The following PRR16 variants were observed in gnomAD, a reference collection of about 807,000 sequenced individuals.
The protein encoded by PRR16 is protein Largen.
PRR16 carries 6 observed loss-of-function variants against 18.2 expected under a neutral mutation model. That is an observed-to-expected ratio of 0.33 (90% CI 0.18 to 0.65). PRR16 has a LOEUF of 0.65. Among genes scored for constraint, PRR16 ranks in the 30% least tolerant of loss-of-function variants. The pLI, the probability that PRR16 is intolerant of heterozygous loss-of-function variation, is 0.74. For missense variants in PRR16, 412 were observed against 376.6 expected (o/e 1.09, Z -0.78); for synonymous variants, 151 against 147.8 (o/e 1.02, Z -0.16).
chr5:120,710,394 C>G, the PRR16 span, among the ~76,000 whole-genome samples: 32 of 152,002 alleles, frequency 2.1e-4, no homozygotes, highest in African/African-American at 7.2e-5. Flanking sequence ...GTACTCTTCC[C>G]AAAGTATCCA....
At chr5:120,582,910 A>G (rs189031298) in intron 1 of PRR16, among the ~76,000 whole-genome samples, 6 of 152,354 alleles carry the variant, frequency 3.9e-5, no homozygotes, top group Admixed American at 1.3e-4. Context: ...TTGAAACAGC[A>G]ATAATCACCT....
At chr5:120,531,531 T>C (rs559355763) in intron 1 of PRR16, 1 of 152,280 alleles carries the variant, frequency 6.6e-6, no homozygotes, top group East Asian at 1.9e-4. Flanking sequence ...ACCAATCAAC[T>C]GATGCATGCA....
At chr5:120,714,090 TTTC>T in the PRR16 span, among the ~76,000 whole-genome samples, 1 of 152,090 alleles carries the variant, frequency 6.6e-6, no homozygotes, top group Non-Finnish European at 1.5e-5. Context: ...AGGAAAACAA[TTTC>T]TTCTTTGTGC....
intron 1 of PRR16, among the ~76,000 whole-genome samples, chr5:120,559,630 G>A (rs1752516344): frequency 6.6e-6 from 1 of 151,630 alleles, no homozygotes; most frequent in Non-Finnish European, 1.5e-5. Flanking sequence ...TGGCTGTTCT[G>A]GGTCTTTTGT....
the PRR16 span, among the ~76,000 whole-genome samples, chr5:120,768,410 T>C: frequency 0.014 from 1,211 of 88,152 alleles, 7 homozygotes; most frequent in Middle Eastern, 0.043. Flanking sequence ...TAAGCAATGA[T>C]TTTTTTACCT....
chr5:120,492,089 T>G (rs1240538768), intron 1 of PRR16, among the ~76,000 whole-genome samples: 1 of 139,798 alleles, frequency 7.2e-6, no homozygotes, highest in Non-Finnish European at 1.6e-5. Context: ...TTTGTTTGTT[T>G]TCTTTTTTTT....
chr5:120,523,627 A>G (rs945628212), intron 1 of PRR16, among the ~76,000 whole-genome samples: 2 of 152,148 alleles, frequency 1.3e-5, no homozygotes, highest in African/African-American at 2.4e-5. Flanking sequence ...TTTTTTCTTC[A>G]TACTAAACTA....
intron 1 of PRR16, among the ~76,000 whole-genome samples, chr5:120,559,529 G>A (rs1752513733): frequency 6.6e-6 from 1 of 151,824 alleles, no homozygotes; most frequent in Admixed American, 6.6e-5. Context: ...CTGTTTTTAT[G>A]TTAGTACCAT....
chr5:120,774,453 G>A, the PRR16 span, among the ~76,000 whole-genome samples: 1 of 152,036 alleles, frequency 6.6e-6, no homozygotes, highest in East Asian at 1.9e-4. Flanking sequence ...ATTCTCTGTA[G>A]TAAGACCTCT....
At chr5:120,602,246 G>C (rs1307398416) in intron 1 of PRR16, among the ~76,000 whole-genome samples, 1 of 151,792 alleles carries the variant, frequency 6.6e-6, no homozygotes, top group East Asian at 1.9e-4. Flanking sequence ...TTTTACTAGT[G>C]TTGTGCAATT....
In PRR16 at chr5:120,579,082, A is replaced by G. The variant is rs11960287; in HGVS notation, c.160-106872A>G. 2.8e-3 allele frequency among the ~76,000 whole-genome samples: 419 copies of G among 152,066 alleles called. 5 individuals carry two copies. The highest frequency in any genetic ancestry group is 4.5e-3 in the Non-Finnish European group (309 of 67,958). ...AAGTATCTTTTCATATCCTTTGCCC[A>G]CTTTTTGATGGGGTGTTTATTTTTT... is the stretch of plus-strand genomic sequence containing the variant. On this transcript the variant is annotated intron_variant, in intron 1 of 1. Transcript: ENST00000407149.
intron 1 of PRR16, among the ~76,000 whole-genome samples, chr5:120,495,770 A>T (rs1750223772): frequency 6.6e-6 from 1 of 151,922 alleles, no homozygotes. Context: ...ATACAGTTTT[A>T]CTGCTTCCTT....
chr5:120,775,091 C>T, the PRR16 span, among the ~76,000 whole-genome samples: 22 of 152,240 alleles, frequency 1.4e-4, no homozygotes, highest in African/African-American at 4.8e-4. Flanking sequence ...CCAATTGAAT[C>T]CTTTTTATTA....
At chr5:120,467,901 G>A (rs1749153268) in intron 1 of PRR16, among the ~76,000 whole-genome samples, 1 of 152,062 alleles carries the variant, frequency 6.6e-6, no homozygotes, top group Non-Finnish European at 1.5e-5. Flanking sequence ...TACTTATTGA[G>A]CACCTACCAT....
chr5:120,528,564 G>C lies in PRR16; in HGVS notation c.159+63919G>C, dbSNP rs1751445839. On this transcript the variant is annotated intron_variant, in intron 1 of 1. Coordinates refer to ENST00000407149, the MANE Select transcript of PRR16 (RefSeq NM_001300783.2). ...TAATCTGTAAATCAATTATGAATTTGAGCTCAGTGAAGGCATCCAAGTTTC... is the reference window on the plus strand; with the variant it reads ...TAATCTGTAAATCAATTATGAATTTCAGCTCAGTGAAGGCATCCAAGTTTC... Among the ~76,000 whole-genome samples, 4 of 152,166 alleles carry C rather than the reference G, an allele frequency of 2.6e-5. No homozygotes were observed. The South Asian group carries it at 8.3e-4, about 31-fold the overall frequency.
downstream of PRR16, among the ~76,000 whole-genome samples, chr5:120,688,512 AC>A: frequency 6.6e-6 from 1 of 152,278 alleles, no homozygotes; most frequent in Admixed American, 6.5e-5. Context: ...TGTGTTCTTA[AC>A]TTTTTAATGC....
intron 1 of PRR16, among the ~76,000 whole-genome samples, chr5:120,676,547 TGC>T (rs1561610718): frequency 1.2e-4 from 18 of 150,256 alleles, no homozygotes; most frequent in Middle Eastern, 3.5e-3. Context: ...TGTGTGTGTG[TGC>T]GTGTGTATAT....
downstream of PRR16, among the ~76,000 whole-genome samples, chr5:120,689,543 G>C (rs1458594347): frequency 6.6e-6 from 1 of 152,082 alleles, no homozygotes; most frequent in African/African-American, 2.4e-5. Flanking sequence ...ACTACGTTTT[G>C]TTAACAATGT....
intron 1 of PRR16, among the ~76,000 whole-genome samples, chr5:120,561,538 C>G (rs1358695831): frequency 6.6e-6 from 1 of 152,052 alleles, no homozygotes; most frequent in Admixed American, 6.6e-5. Flanking sequence ...CCCTAACATA[C>G]AGTCTGTTCT....
Sources: allele counts gnomAD v4.1 joint callset (sites outside exome capture counted in the v4.1 genomes callset), GRCh38; gene constraint gnomAD v4.1.1; transcripts MANE v1.5; gene names NCBI Gene and HGNC (gene_info 2026-07-23, HGNC 2026-07-21).